MKLN1: variants seen among roughly 807,000 people sequenced by gnomAD.
MKLN1 encodes muskelin 1.
A neutral mutation model predicts 99.0 loss-of-function variants in MKLN1; 18 were observed. That is an observed-to-expected ratio of 0.18 (90% CI 0.13 to 0.27). The LOEUF (loss-of-function observed/expected upper bound fraction) is 0.27, where lower values mean the gene tolerates loss of function less well. MKLN1 is among the 10% of genes least tolerant of loss of function. The pLI, the probability that MKLN1 is intolerant of heterozygous loss-of-function variation, is 1.00. For synonymous variants in MKLN1, 288 were observed against 293.2 expected (o/e 0.98, Z 0.18); for missense variants, 621 against 875.9 (o/e 0.71, Z 3.67).
At chr7:131,215,211 C>A (rs1796962962) in intron 3 of MKLN1, among the ~76,000 whole-genome samples, 1 of 152,114 alleles carries the variant, frequency 6.6e-6, no homozygotes, top group African/African-American at 2.4e-5. Flanking sequence ...ACCACACCAG[C>A]TAATTTTTGT....
chr7:131,170,922 G>C (rs1796205340), intron 2 of MKLN1, among the ~76,000 whole-genome samples: 1 of 152,154 alleles, frequency 6.6e-6, no homozygotes, highest in South Asian at 2.1e-4. Context: ...ATCAGGAAAT[G>C]GGAAACCTAA....
At chr7:131,413,243 G>A (rs952838242) in intron 7 of MKLN1, among the ~76,000 whole-genome samples, 1 of 152,152 alleles carries the variant, frequency 6.6e-6, no homozygotes, top group Non-Finnish European at 1.5e-5. Flanking sequence ...AGGATTTGGA[G>A]GGAACTTCTG....
chr7:131,453,402 C>T (rs1379394165), intron 12 of MKLN1, among the ~76,000 whole-genome samples: 1 of 152,030 alleles, frequency 6.6e-6, no homozygotes, highest in Non-Finnish European at 1.5e-5. Context: ...TTGGCATTTC[C>T]AGTCAGAGAG....
chr7:131,417,615 A>G (rs947735410), intron 8 of MKLN1, among the ~76,000 whole-genome samples: 1 of 152,210 alleles, frequency 6.6e-6, no homozygotes, highest in Admixed American at 6.5e-5. Context: ...TAGAGATGGC[A>G]TATAAAACAT....
chr7:131,472,600 GT>G lies in MKLN1; in HGVS notation c.2031+1657del, dbSNP rs1285079186. ...AAGAAATGTTGAAGTGTGTATGTGTGTGTGTGTGTGTGTGTGTGTGTGTGTT... is the reference window on the plus strand; with the variant it reads ...AAGAAATGTTGAAGTGTGTATGTGTGGTGTGTGTGTGTGTGTGTGTGTGTT... On this transcript the variant is annotated intron_variant, in intron 16 of 17. Transcript: ENST00000352689. 3.1e-4 allele frequency among the ~76,000 whole-genome samples: 44 copies of G among 144,104 alleles called. 1 individual carries two copies. The highest frequency in any genetic ancestry group is 1.0e-3 in the African/African-American group (40 of 39,990). The allele number at this position is 144,104 out of a possible 152,430, so 94.5% of individuals were successfully genotyped here.
intron 1 of MKLN1, among the ~76,000 whole-genome samples, chr7:131,356,774 T>C (rs945369412): frequency 1.3e-5 from 2 of 152,178 alleles, no homozygotes; most frequent in Non-Finnish European, 2.9e-5. Context: ...ATCCAAATCG[T>C]GTGCGCCAAA....
At chr7:131,321,552 A>G (rs1051154254) in intron 3 of MKLN1, among the ~76,000 whole-genome samples, 2 of 152,258 alleles carry the variant, frequency 1.3e-5, no homozygotes, top group African/African-American at 2.4e-5. Flanking sequence ...AAACCTGTAC[A>G]TTCTGCACAT....
At chr7:131,275,548 TATATATATATATATA>T (rs1797950534) in intron 3 of MKLN1, among the ~76,000 whole-genome samples, 1 of 19,720 alleles carries the variant, frequency 5.1e-5, no homozygotes, top group Non-Finnish European at 1.1e-4. Context: ...TATATATATA[TATATATATATATATA>T]TATATTTTTT....
At chr7:131,406,501 A>G (rs1234804992) in intron 6 of MKLN1, among the ~76,000 whole-genome samples, 4 of 152,006 alleles carry the variant, frequency 2.6e-5, no homozygotes, top group Non-Finnish European at 5.9e-5. Context: ...TTTTGATACC[A>G]TGTTCAAAGA....
intron 3 of MKLN1, among the ~76,000 whole-genome samples, chr7:131,258,931 C>T (rs1345885392): frequency 6.6e-6 from 1 of 151,984 alleles, no homozygotes; most frequent in Non-Finnish European, 1.5e-5. Flanking sequence ...CTTTTTAGCT[C>T]CCAGAAATGC....
At chr7:131,396,127 C>T (rs1359255376) in intron 4 of MKLN1, among the ~76,000 whole-genome samples, 1 of 152,062 alleles carries the variant, frequency 6.6e-6, no homozygotes, top group East Asian at 1.9e-4. Context: ...GGCTGGAGTA[C>T]AGTGGTGTCA....
intron 9 of MKLN1, among the ~76,000 whole-genome samples, chr7:131,434,387 T>A (rs536492771): frequency 6.6e-6 from 1 of 152,326 alleles, no homozygotes; most frequent in South Asian, 2.1e-4. Flanking sequence ...ACTTTCCATT[T>A]GTTGGCTGGT....
At chr7:131,428,793 T>TAG (rs1436712523) in intron 8 of MKLN1, among the ~76,000 whole-genome samples, 3 of 152,226 alleles carry the variant, frequency 2.0e-5, no homozygotes, top group African/African-American at 7.2e-5. Context: ...ACATGCCTCC[T>TAG]AGTTATCTGT....
At chr7:131,307,601 AGATTATTTTGGAGC>A (rs1798486905) in intron 3 of MKLN1, among the ~76,000 whole-genome samples, 2 of 152,148 alleles carry the variant, frequency 1.3e-5, no homozygotes. Flanking sequence ...GAGTCAAAGG[AGATTATTTTGGAGC>A]TTGAAGATTT....
intron 9 of MKLN1, among the ~76,000 whole-genome samples, chr7:131,432,631 A>G (rs1427254259): frequency 6.6e-6 from 1 of 152,172 alleles, no homozygotes; most frequent in Admixed American, 6.5e-5. Context: ...TATTTTTAGT[A>G]GAGACAGGGT....
chr7:131,375,412 TC>T lies in MKLN1; in HGVS notation c.99-11del, dbSNP rs1375909644. On this transcript the variant is annotated splice_polypyrimidine_tract_variant and intron_variant, in intron 1 of 17. Coordinates refer to ENST00000352689, the MANE Select transcript of MKLN1 (RefSeq NM_013255.5). ...ATGTTCTCTTAATTTTTTAATACTTTCTTTATTCCAGGAACATTTTAGTGGA... is the reference window on the plus strand; with the variant it reads ...ATGTTCTCTTAATTTTTTAATACTTTTTTATTCCAGGAACATTTTAGTGGA... 6.3e-7 allele frequency: 1 copy of T among 1,589,476 alleles called. No individual in the cohort carries two copies.
chr7:131,295,547 G>GGA, intron 3 of MKLN1, among the ~76,000 whole-genome samples: 1 of 149,446 alleles, frequency 6.7e-6, no homozygotes, highest in Admixed American at 6.7e-5. Flanking sequence ...AGGGAAAAAA[G>GGA]AAAAAAAAAG....
chr7:131,314,071 A>T (rs555465886), intron 3 of MKLN1, among the ~76,000 whole-genome samples: 1 of 152,310 alleles, frequency 6.6e-6, no homozygotes, highest in East Asian at 1.9e-4. Flanking sequence ...TGTAGTAATA[A>T]TAATAACCAT....
chr7:131,341,647 A>G (rs974627262), intron 1 of MKLN1, among the ~76,000 whole-genome samples: 9 of 152,152 alleles, frequency 5.9e-5, no homozygotes, highest in African/African-American at 2.2e-4. Context: ...TTTTCCATGG[A>G]TGGGGTGTGA....
Sources: allele counts gnomAD v4.1 joint callset (sites outside exome capture counted in the v4.1 genomes callset), GRCh38; gene constraint gnomAD v4.1.1; transcripts MANE v1.5; gene names NCBI Gene and HGNC (gene_info 2026-07-23, HGNC 2026-07-21).